The following ELK3 variants were observed in gnomAD, a reference collection of about 807,000 sequenced individuals.
ELK3 encodes ETS domain-containing protein Elk-3.
Under a neutral mutation model 28.9 loss-of-function variants are expected in ELK3, and 10 were observed. The observed-to-expected ratio is 0.35, with a 90% CI of 0.21 to 0.59. The LOEUF (loss-of-function observed/expected upper bound fraction) is 0.59, where lower values mean the gene tolerates loss of function less well. Among genes scored for constraint, ELK3 ranks in the 20% least tolerant of loss-of-function variants. The pLI is 0.82. For synonymous variants in ELK3, 272 were observed against 243.5 expected, an observed-to-expected ratio of 1.12 and a Z score of -1.09; for missense variants, 463 against 517.3, an observed-to-expected ratio of 0.90 and a Z score of 1.02.
chr12:96,215,786 C>T (rs2137008964), intron 1 of ELK3, among the ~76,000 whole-genome samples: 1 of 152,034 alleles, frequency 6.6e-6, no homozygotes, highest in East Asian at 1.9e-4. Flanking sequence ...CAGGCGCGGA[C>T]CACCAGACAC....
intron 1 of ELK3, among the ~76,000 whole-genome samples, chr12:96,197,483 GTCA>G (rs1296516725): frequency 2.0e-5 from 3 of 152,308 alleles, no homozygotes; most frequent in African/African-American, 7.2e-5. Context: ...ACATTTAAAA[GTCA>G]TCATCTGTAA....
intron 1 of ELK3, among the ~76,000 whole-genome samples, chr12:96,223,170 G>A (rs1004398594): frequency 6.6e-6 from 1 of 152,098 alleles, no homozygotes; most frequent in Non-Finnish European, 1.5e-5. Flanking sequence ...ACTATATCAC[G>A]GACCCACAAA....
At position 96,223,605 on chromosome 12, in the gene ELK3, G is replaced by A. The variant is rs1471034313; in HGVS notation, c.39G>A (p.Gln13=). 8 of 1,614,170 alleles carry A rather than the reference G, an allele frequency of 5.0e-6. No homozygotes were observed. Among genetic ancestry groups the A allele is most frequent in the Non-Finnish European group, 6.8e-6 (8 of 1,180,032 alleles). ...SAITLWQFLL[Q]LLLDQKHEHL... ...TCACGCTGTGGCAGTTCCTGTTGCA[G>A]TTGCTGCTGGATCAGAAACATGAGC... The change falls in exon 2 of 5, where the codon CAG becomes CAA. Residue 13 remains glutamine, a synonymous_variant. Transcript: ENST00000228741.
At chr12:96,242,971 ACT>A (rs934708424) in intron 2 of ELK3, among the ~76,000 whole-genome samples, 58 of 151,744 alleles carry the variant, frequency 3.8e-4, no homozygotes, top group African/African-American at 1.4e-3. Context: ...TCCCCAGAAA[ACT>A]CTTGGTGTCC....
At chr12:96,238,571 T>C (rs974633582) in intron 2 of ELK3, among the ~76,000 whole-genome samples, 2 of 152,198 alleles carry the variant, frequency 1.3e-5, no homozygotes, top group African/African-American at 4.8e-5. Context: ...TCCTGTTGTT[T>C]TCCTGTCACC....
intron 1 of ELK3, among the ~76,000 whole-genome samples, chr12:96,222,325 A>G (rs1425892611): frequency 1.3e-5 from 2 of 152,238 alleles, no homozygotes; most frequent in African/African-American, 2.4e-5. Flanking sequence ...CTCCAAAGCT[A>G]AGGAACAGCA....
rs1230632406 is a variant in ELK3, at chr12:96,259,734, C to A, written c.1006C>A (p.Pro336Thr). The A allele has an allele frequency of 6.2e-7, 1 of 1,607,890 alleles. No individual in the cohort carries two copies. The highest frequency in any genetic ancestry group is 1.7e-5 in the Admixed American group (1 of 59,606). The change falls in exon 4 of 5, where the codon CCA (proline) becomes ACA (threonine). Residue 336 changes from proline to threonine, a missense_variant. By Grantham distance (38) the Pro-to-Thr change is conservative. Around this residue, in one of 2 missense-constraint regions of ELK3, gnomAD observed 408 missense variants for 414.8 expected, o/e 0.98. Coordinates refer to ENST00000228741, the MANE Select transcript of ELK3 (RefSeq NM_005230.4). ...GTCTGTTTGCTTTACTTCCCAGACA[C>A]CAAATGGATTGCTTCTGACTCCGAG... ...LTPAFFTAQTPNGLLLTPSPL... is the reference protein window; with the variant it reads ...LTPAFFTAQTTNGLLLTPSPL...
At chr12:96,244,572 CTT>C (rs1461258818) in intron 2 of ELK3, among the ~76,000 whole-genome samples, 1 of 149,290 alleles carries the variant, frequency 6.7e-6, no homozygotes, top group African/African-American at 2.5e-5. Context: ...AGAAGTTTGT[CTT>C]TTGTGTAATT....
At chr12:96,220,494 TCTC>T (rs1951654895) in intron 1 of ELK3, among the ~76,000 whole-genome samples, 1 of 151,624 alleles carries the variant, frequency 6.6e-6, no homozygotes, top group Non-Finnish European at 1.5e-5. Context: ...TTCAAGCTAT[TCTC>T]CTGCCTCAGC....
At chr12:96,231,354 C>G (rs1951740549) in intron 2 of ELK3, among the ~76,000 whole-genome samples, 1 of 152,212 alleles carries the variant, frequency 6.6e-6, no homozygotes, top group African/African-American at 2.4e-5. Context: ...CAGATGGACC[C>G]TTCATCTTAG....
intron 3 of ELK3, among the ~76,000 whole-genome samples, chr12:96,257,229 T>G (rs985407836): frequency 6.6e-6 from 1 of 152,180 alleles, no homozygotes. Flanking sequence ...GCAGGTGTTA[T>G]AGGAACTTTC....
chr12:96,248,834 C>T (rs948084028), intron 3 of ELK3, among the ~76,000 whole-genome samples: 3 of 152,192 alleles, frequency 2.0e-5, no homozygotes, highest in African/African-American at 2.4e-5. Context: ...AGCCCTGTCA[C>T]GTGGATACAG....
intron 2 of ELK3, among the ~76,000 whole-genome samples, chr12:96,244,261 C>T (rs1471841008): frequency 6.6e-6 from 1 of 151,942 alleles, no homozygotes; most frequent in African/African-American, 2.4e-5. Context: ...TGGGTTGTTC[C>T]TCATGTTCTT....
rs1952069287 is a variant in ELK3, at chr12:96,269,566, T to G, written c.*2386T>G. ...ACTCACTCATATAGCTCTGCCTCAT[T>G]CTGTGTGTGTGTGCATGTGTGTGTT... On this transcript the variant is annotated 3_prime_UTR_variant, in exon 5 of 5. Coordinates refer to ENST00000228741, the MANE Select transcript of ELK3 (RefSeq NM_005230.4). The G allele has an allele frequency of 3.3e-5, 5 of 152,204 alleles. No homozygotes were observed. 9.4% of individuals were successfully genotyped at this position (152,204 alleles called of 1,614,324 possible).
At chr12:96,210,561 G>GCGCGCACACACACACACACACA (rs1555193024) in intron 1 of ELK3, among the ~76,000 whole-genome samples, 3 of 144,748 alleles carry the variant, frequency 2.1e-5, no homozygotes, top group African/African-American at 7.7e-5. Flanking sequence ...GCGCGCGGGC[G>GCGCGCACACACACACACACACA]CACGCACACA....
In ELK3 at chr12:96,194,443, G is replaced by C. The variant is rs866298625; in HGVS notation, c.-265G>C. ...CGCGCGGCGCGGGGCGGAAAAGCCT[G>C]TTTACACAGACTGCACACCGCCTGG... is the stretch of plus-strand genomic sequence containing the variant. On this transcript the variant is annotated 5_prime_UTR_variant, in exon 1 of 5. Transcript: ENST00000228741. 1 of 149,910 alleles carries C rather than the reference G, an allele frequency of 6.7e-6. No homozygotes were observed. The highest frequency in any genetic ancestry group is 1.5e-5 in the Non-Finnish European group (1 of 67,456). 9.3% of individuals were successfully genotyped at this position (149,910 alleles called of 1,614,324 possible). A position where few individuals can be genotyped will look rare whatever the true frequency, so the allele number is the denominator to read the frequency against.
At chr12:96,246,639 C>T (rs186907283) in intron 2 of ELK3, among the ~76,000 whole-genome samples, 1,544 of 152,276 alleles carry the variant, frequency 0.01, 47 homozygotes, top group Admixed American at 0.061. Flanking sequence ...CCAGCCTGTG[C>T]GACAGAGTGA....
intron 2 of ELK3, chr12:96,224,087 A>T (rs891702818): frequency 7.9e-5 from 24 of 302,688 alleles, no homozygotes; most frequent in Non-Finnish European, 1.1e-4. Context: ...TGCTTGAATG[A>T]CACAATGCGT....
At chr12:96,207,064 T>C (rs1230282394) in intron 1 of ELK3, among the ~76,000 whole-genome samples, 1 of 152,232 alleles carries the variant, frequency 6.6e-6, no homozygotes, top group African/African-American at 2.4e-5. Flanking sequence ...GAAATAACAG[T>C]ACCCACCAGG....
Sources: gnomAD v4.1 joint callset for allele counts (sites outside exome capture counted in the v4.1 genomes callset) on GRCh38, gnomAD v4.1.1 for gene constraint, gnomAD v4.1.1 regional missense constraint, MANE v1.5 for transcripts, NCBI Gene and HGNC (gene_info 2026-07-23, HGNC 2026-07-21) for gene names.